EYS: variants seen among roughly 807,000 people sequenced by gnomAD.
EYS encodes EGF-like photoreceptor maintenance factor, also known as protein eyes shut homolog.
A neutral mutation model predicts 282.1 loss-of-function variants in EYS; 250 were observed. That is an observed-to-expected ratio of 0.89 (90% confidence interval 0.80 to 0.98). EYS has a LOEUF of 0.98. EYS is among the 50% of genes least tolerant of loss of function. EYS has a pLI of 0.00. For missense variants in EYS, 4,016 were observed against 3,709.0 expected, an observed-to-expected ratio of 1.08 and a Z score of -2.15; for synonymous variants, 1,355 against 1,282.9, an observed-to-expected ratio of 1.06 and a Z score of -1.20.
At chr6:65,250,077 T>TCAAAAAA (rs1203670509) in intron 12 of EYS, among the ~76,000 whole-genome samples, 5 of 152,114 alleles carry the variant, frequency 3.3e-5, no homozygotes, top group African/African-American at 1.2e-4. Flanking sequence ...AAAAATGTGC[T>TCAAAAAA]GGCAGATAGT....
At chr6:64,883,917 C>G (rs1474465451) in intron 19 of EYS, among the ~76,000 whole-genome samples, 4 of 151,458 alleles carry the variant, frequency 2.6e-5, no homozygotes, top group Non-Finnish European at 5.9e-5. Context: ...AAATAGTCAA[C>G]TTTGTAAATG....
rs1245129637 is a variant in EYS, at chr6:63,995,948, A to C, written c.6834+3127T>G. ...AAAACAACTAAATGAGAGGATTTTCAATTTCTTACCACAAAGAAATGATAA... is the reference window on the plus strand; with the variant it reads ...AAAACAACTAAATGAGAGGATTTTCCATTTCTTACCACAAAGAAATGATAA... On this transcript the variant is annotated intron_variant, in intron 34 of 42. Transcript: ENST00000503581. 2.0e-5 allele frequency among the ~76,000 whole-genome samples: 3 copies of C among 152,014 alleles called. No individual in the cohort carries two copies. In the South Asian group the frequency reaches 6.2e-4, roughly 31 times the overall value.
At chr6:63,736,712 C>T (rs1321588271) in intron 41 of EYS, among the ~76,000 whole-genome samples, 1 of 152,058 alleles carries the variant, frequency 6.6e-6, no homozygotes, top group East Asian at 1.9e-4. Flanking sequence ...ATTCTTCCTG[C>T]CCATGAGCAT....
chr6:64,326,427 T>G (rs1234174492), intron 29 of EYS, among the ~76,000 whole-genome samples: 1 of 152,218 alleles, frequency 6.6e-6, no homozygotes, highest in Non-Finnish European at 1.5e-5. Context: ...CTGCCTTTGT[T>G]TCTTCCTTCT....
chr6:63,991,803 C>T (rs1767614599), intron 34 of EYS, among the ~76,000 whole-genome samples: 1 of 151,700 alleles, frequency 6.6e-6, no homozygotes, highest in South Asian at 2.1e-4. Context: ...CTGAGACATA[C>T]TATAGCCAAA....
chr6:64,064,718 C>G (rs1042825774), intron 33 of EYS, among the ~76,000 whole-genome samples: 3 of 152,074 alleles, frequency 2.0e-5, no homozygotes, highest in African/African-American at 7.2e-5. Flanking sequence ...AGAAGAAAAT[C>G]ATTTCTCTAA....
intron 12 of EYS, among the ~76,000 whole-genome samples, chr6:65,194,842 G>T (rs1765726594): frequency 6.8e-6 from 1 of 146,702 alleles, no homozygotes; most frequent in African/African-American, 2.5e-5. Flanking sequence ...AGAATCTCAT[G>T]TTTGCCAGTT....
intron 12 of EYS, among the ~76,000 whole-genome samples, chr6:65,208,277 A>G (rs1478390912): frequency 1.3e-5 from 2 of 151,884 alleles, no homozygotes; most frequent in Non-Finnish European, 2.9e-5. Flanking sequence ...CAGAATGGGT[A>G]TTATTAAAAT....
At chr6:63,913,004 G>A (rs1188585818) in intron 35 of EYS, among the ~76,000 whole-genome samples, 4 of 152,270 alleles carry the variant, frequency 2.6e-5, no homozygotes, top group Admixed American at 1.3e-4. Flanking sequence ...TGTGTTAGAC[G>A]ACACAGTTCT....
intron 35 of EYS, among the ~76,000 whole-genome samples, chr6:63,915,768 A>G (rs1216631331): frequency 6.6e-6 from 1 of 152,184 alleles, no homozygotes; most frequent in Non-Finnish European, 1.5e-5. Context: ...TCAGTGGAGG[A>G]AGTAATTGCA....
intron 13 of EYS, among the ~76,000 whole-genome samples, chr6:65,020,023 CT>C (rs1772199411): frequency 6.6e-6 from 1 of 152,106 alleles, no homozygotes; most frequent in Non-Finnish European, 1.5e-5. Flanking sequence ...ATTCAATTAC[CT>C]CACACCAGGA....
chr6:65,388,914 T>A (rs1157535318), intron 7 of EYS, among the ~76,000 whole-genome samples: 2 of 152,088 alleles, frequency 1.3e-5, no homozygotes, highest in Non-Finnish European at 2.9e-5. Context: ...ATATATTTGT[T>A]CTTTTTCTTT....
At chr6:65,240,498 C>A (rs973859535) in intron 12 of EYS, among the ~76,000 whole-genome samples, 1 of 152,028 alleles carries the variant, frequency 6.6e-6, no homozygotes, top group Admixed American at 6.6e-5. Flanking sequence ...CATGTGTACT[C>A]AATGTTTAGC....
At chr6:64,115,769 T>C (rs1773361221) in intron 31 of EYS, among the ~76,000 whole-genome samples, 1 of 152,124 alleles carries the variant, frequency 6.6e-6, no homozygotes, top group Admixed American at 6.5e-5. Flanking sequence ...CTCAAGATGA[T>C]AAATAAAAAT....
chr6:64,538,263 A>G (rs1764590819), intron 26 of EYS, among the ~76,000 whole-genome samples: 1 of 152,186 alleles, frequency 6.6e-6, no homozygotes, highest in Non-Finnish European at 1.5e-5. Flanking sequence ...GGAATAAATG[A>G]TTTAGACAAA....
At chr6:63,904,829 T>C (rs1372996306) in intron 35 of EYS, among the ~76,000 whole-genome samples, 1 of 152,232 alleles carries the variant, frequency 6.6e-6, no homozygotes, top group Admixed American at 6.5e-5. Flanking sequence ...GATCTAGATC[T>C]GGAAGAAATT....
In EYS at chr6:64,422,226, G is replaced by A. The variant is rs528591016; in HGVS notation, c.5927+13948C>T. Among the ~76,000 whole-genome samples, 87 of 152,100 alleles carry A rather than the reference G, an allele frequency of 5.7e-4. 2 individuals carry two copies. The South Asian group carries it at 0.018, about 31-fold the overall frequency. On this transcript the variant is annotated intron_variant, in intron 28 of 42. Coordinates refer to ENST00000503581, the MANE Select transcript of EYS (RefSeq NM_001142800.2). Reference sequence around the variant, plus strand: ...AGACATTTAAAGGGTGCCCATTGAAGGGAAGACTTCATGTTACTCGAAACA... The same window carrying A: ...AGACATTTAAAGGGTGCCCATTGAAAGGAAGACTTCATGTTACTCGAAACA...
At chr6:64,822,573 A>T in intron 20 of EYS, 78 bp downstream of exon 20, 1 of 1,183,918 alleles carries the variant, frequency 8.4e-7, no homozygotes, top group South Asian at 1.6e-5. Flanking sequence ...ATCTTTATCA[A>T]CTTTCCCTTG....
chr6:64,852,837 C>T (rs971711468), intron 19 of EYS, among the ~76,000 whole-genome samples: 3 of 152,060 alleles, frequency 2.0e-5, no homozygotes, highest in Non-Finnish European at 2.9e-5. Context: ...TTCTCTAGAC[C>T]CTTCAGAGGG....
Sources: allele counts gnomAD v4.1 joint callset (sites outside exome capture counted in the v4.1 genomes callset), GRCh38; gene constraint gnomAD v4.1.1; transcripts MANE v1.5; gene names NCBI Gene and HGNC (gene_info 2026-07-23, HGNC 2026-07-21).